Variants in STAT4 observed in about 807,000 individuals in gnomAD.
STAT4 encodes the protein signal transducer and activator of transcription 4.
STAT4 carries 42 observed loss-of-function variants against 110.5 expected under a neutral mutation model. The observed-to-expected ratio is 0.38, with a 90% CI of 0.30 to 0.49. The LOEUF (loss-of-function observed/expected upper bound fraction) is 0.49, where lower values mean the gene tolerates loss of function less well. STAT4 is among the 20% of genes least tolerant of loss of function. STAT4 has a pLI of 0.95. For synonymous variants in STAT4, 284 were observed against 302.2 expected, an observed-to-expected ratio of 0.94 and a Z score of 0.63; for missense variants, 632 against 887.9, an observed-to-expected ratio of 0.71 and a Z score of 3.66.
rs547919060 is a variant in STAT4, at chr2:191,116,407, T to C, written c.273+30206A>G. ...AAGAATCAGCCTAGTTATAATAAAA[T>C]AGCCCAAGGAAAGTTGAGAAATGCT... On this transcript the variant is annotated intron_variant, in intron 3 of 23. Coordinates refer to ENST00000392320, the MANE Select transcript of STAT4 (RefSeq NM_003151.4). This position sits in a 1 kb window ranked among gnomAD's most constrained non-coding sequence, Gnocchi z 4.1. Among the ~76,000 whole-genome samples the C allele has an allele frequency of 6.6e-6, 1 of 152,282 alleles. No homozygotes were observed. The highest frequency in any genetic ancestry group is 2.1e-4 in the South Asian group (1 of 4,830).
In STAT4 at chr2:191,112,200, A is replaced by G. The variant is rs1243872673; in HGVS notation, c.273+34413T>C. Among the ~76,000 whole-genome samples the G allele has an allele frequency of 4.6e-5, 7 of 152,240 alleles. No individual in the cohort carries two copies. Among genetic ancestry groups the G allele is most frequent in the Non-Finnish European group, 2.9e-5 (2 of 68,034 alleles). ...ACTACATGTTTTTGGAGAAATAAAAAGACAAAATTTGGAGAAATTACCTAC... is the reference window on the plus strand; with the variant it reads ...ACTACATGTTTTTGGAGAAATAAAAGGACAAAATTTGGAGAAATTACCTAC... On this transcript the variant is annotated intron_variant, in intron 3 of 23. Transcript: ENST00000392320. This position sits in a 1 kb window ranked among gnomAD's most constrained non-coding sequence, Gnocchi z 4.3.
chr2:191,047,845 T>C (rs1333031948), intron 14 of STAT4, among the ~76,000 whole-genome samples: 2 of 152,182 alleles, frequency 1.3e-5, no homozygotes, highest in Middle Eastern at 3.2e-3. Flanking sequence ...TTTGTATTTT[T>C]AGTAGGGACA....
chr2:191,108,240 G>A (rs572112092), intron 3 of STAT4, among the ~76,000 whole-genome samples: 5 of 151,110 alleles, frequency 3.3e-5, no homozygotes, highest in Admixed American at 1.3e-4. Context: ...ACAGTGAGCC[G>A]AGATCGCGCC....
At chr2:191,088,074 C>T (rs552645453) in intron 3 of STAT4, among the ~76,000 whole-genome samples, 3 of 152,112 alleles carry the variant, frequency 2.0e-5, no homozygotes, top group Non-Finnish European at 4.4e-5. Flanking sequence ...AAATTCTATA[C>T]AAATAGGGAA....
intron 1 of STAT4, among the ~76,000 whole-genome samples, chr2:191,149,956 A>G (rs1389478220): frequency 6.6e-6 from 1 of 152,230 alleles, no homozygotes; most frequent in Non-Finnish European, 1.5e-5. Flanking sequence ...ATGGTTAACA[A>G]TAACTTAGTG....
Position 191,110,629 on chromosome 2 carries a change from A to C in STAT4, c.274-34304T>G, listed in dbSNP as rs1698398844. Among the ~76,000 whole-genome samples, 1 of 152,156 alleles carries C rather than the reference A, an allele frequency of 6.6e-6. No homozygotes were observed. Among genetic ancestry groups the C allele is most frequent in the African/African-American group, 2.4e-5 (1 of 41,438 alleles). ...AAGTGCTTTTTGTTTCGTGGTATAC[A>C]TGTATCCAAGATGGGGAATTTATTG... On this transcript the variant is annotated intron_variant, in intron 3 of 23. Transcript: ENST00000392320. This position sits in a 1 kb window ranked among gnomAD's most constrained non-coding sequence, Gnocchi z 4.5.
chr2:191,131,950 G>T, intron 3 of STAT4: 1 of 1,297,216 alleles, frequency 7.7e-7, no homozygotes, highest in Non-Finnish European at 9.9e-7. Flanking sequence ...GGAGGTGTGT[G>T]TTATCTAGAT....
At chr2:191,124,910 C>T (rs1006355434) in intron 3 of STAT4, among the ~76,000 whole-genome samples, 2 of 152,194 alleles carry the variant, frequency 1.3e-5, no homozygotes, top group Middle Eastern at 3.2e-3. Context: ...TCAAACAGGT[C>T]TCCATGCCTC....
At chr2:191,103,529 C>T (rs981593776) in intron 3 of STAT4, among the ~76,000 whole-genome samples, 1 of 152,056 alleles carries the variant, frequency 6.6e-6, no homozygotes, top group Admixed American at 6.6e-5. Context: ...CTTCAGGGAG[C>T]TAAATCTCTT....
rs893427175 is a variant in STAT4 at position 191,031,929 on chromosome 2, G to A, written c.2045-413C>T. ...TCTTATGATTGCAAACGTTCTTGAAGTACAGATGTCAGTGTTCCCAAAAGT... is the reference window on the plus strand; with the variant it reads ...TCTTATGATTGCAAACGTTCTTGAAATACAGATGTCAGTGTTCCCAAAAGT... On this transcript the variant is annotated intron_variant, in intron 21 of 23. Transcript: ENST00000392320. The surrounding 1 kb of genome is among the most constrained non-coding windows in gnomAD (Gnocchi z 4.8). Among the ~76,000 whole-genome samples, 9 of 152,196 alleles carry A rather than the reference G, an allele frequency of 5.9e-5. No individual in the cohort carries two copies. Among genetic ancestry groups the A allele is most frequent in the African/African-American group, 2.2e-4 (9 of 41,454 alleles).
chr2:191,101,998 C>T, intron 3 of STAT4, among the ~76,000 whole-genome samples: 3 of 147,454 alleles, frequency 2.0e-5, no homozygotes, highest in African/African-American at 2.5e-5. Flanking sequence ...TTTGATATAT[C>T]TTTGCCCAAC....
chr2:191,098,984 C>A (rs1390897764), intron 3 of STAT4, among the ~76,000 whole-genome samples: 1 of 151,294 alleles, frequency 6.6e-6, no homozygotes, highest in South Asian at 2.1e-4. Context: ...ATAAAATATT[C>A]TTTTAAGTAA....
At chr2:191,095,470 C>T (rs886650261) in intron 3 of STAT4, among the ~76,000 whole-genome samples, 7 of 152,158 alleles carry the variant, frequency 4.6e-5, no homozygotes, top group South Asian at 2.1e-4. Flanking sequence ...CACTCAAAAC[C>T]GCACAACTAC....
rs574750825 is a variant in STAT4, at chr2:191,035,100, G to A, written c.1571-503C>T. ...ATCTATTAGATAGTAGCCATTGGCT[G>A]TTTTGATCCAGAGCAGTGAAAGGAT... On this transcript the variant is annotated intron_variant, in intron 17 of 23. Transcript: ENST00000392320. This position sits in a 1 kb window ranked among gnomAD's most constrained non-coding sequence, Gnocchi z 4.7. Among the ~76,000 whole-genome samples the A allele has an allele frequency of 2.0e-5, 3 of 152,342 alleles. No individual in the cohort carries two copies. The highest frequency in any genetic ancestry group is 4.4e-5 in the Non-Finnish European group (3 of 68,024).
intron 3 of STAT4, among the ~76,000 whole-genome samples, chr2:191,127,673 C>T (rs1423178929): frequency 6.6e-6 from 1 of 152,166 alleles, no homozygotes; most frequent in Admixed American, 6.5e-5. Context: ...AGCCATTGTA[C>T]CCCAAAGTAA....
intron 14 of STAT4, among the ~76,000 whole-genome samples, chr2:191,045,125 A>C (rs1457330327): frequency 6.6e-6 from 1 of 152,218 alleles, no homozygotes; most frequent in Non-Finnish European, 1.5e-5. Context: ...CAGAAGTTAG[A>C]CATATAAAAT....
intron 16 of STAT4, 106 bp from the exon 17 acceptor site, chr2:191,036,405 G>A: frequency 8.6e-7 from 1 of 1,168,280 alleles, no homozygotes; most frequent in Non-Finnish European, 1.2e-6. Context: ...ACACATACTA[G>A]GAGTGTTGGG....
chr2:191,041,023 C>A, intron 15 of STAT4, 42 bp downstream of exon 15: 1 of 1,298,762 alleles, frequency 7.7e-7, no homozygotes, highest in Non-Finnish European at 1.0e-6. Flanking sequence ...CCAATTCTTG[C>A]AAATGCCATT....
intron 3 of STAT4, among the ~76,000 whole-genome samples, chr2:191,128,173 C>T (rs915837997): frequency 6.6e-6 from 1 of 152,110 alleles, no homozygotes; most frequent in African/African-American, 2.4e-5. Flanking sequence ...TGAGGGTGTG[C>T]GTTGGGGAAT....
Sources: gnomAD v4.1 joint callset for allele counts (sites outside exome capture counted in the v4.1 genomes callset) on GRCh38, gnomAD v4.1.1 for gene constraint, Gnocchi (gnomAD v3.1) non-coding constraint, MANE v1.5 for transcripts, NCBI Gene and HGNC (gene_info 2026-07-23, HGNC 2026-07-21) for gene names.